The following PDZD2 variants were observed in gnomAD, a reference collection of about 807,000 sequenced individuals.
The protein encoded by PDZD2 is PDZ domain containing 2.
In PDZD2, 90 loss-of-function variants were observed where a neutral mutation model predicts 220.7. That is an observed-to-expected ratio of 0.41 (90% CI 0.34 to 0.49). The LOEUF (loss-of-function observed/expected upper bound fraction) is 0.49. Ranked by LOEUF, PDZD2 falls within the 20% of genes least tolerant of loss-of-function variation. PDZD2 has a pLI of 0.28. For synonymous variants in PDZD2, 1,375 were observed against 1,450.5 expected, an observed-to-expected ratio of 0.95 and a Z score of 1.18; for missense variants, 3,174 against 3,608.5, an observed-to-expected ratio of 0.88 and a Z score of 3.08.
At chr5:32,100,827 T>C (rs1339315946) in intron 23 of PDZD2, 1 of 1,376,268 alleles carries the variant, frequency 7.3e-7, no homozygotes, top group Admixed American at 1.8e-5. Context: ...TGGGGATTTC[T>C]GCTTGGGCAT....
At chr5:31,945,741 T>G (rs1358560174) in intron 2 of PDZD2, among the ~76,000 whole-genome samples, 1 of 152,070 alleles carries the variant, frequency 6.6e-6, no homozygotes, top group African/African-American at 2.4e-5. Flanking sequence ...CTGGCTTGGA[T>G]CCAGGTGCTT....
intron 1 of PDZD2, among the ~76,000 whole-genome samples, chr5:31,671,878 C>A (rs774507598): frequency 2.0e-5 from 3 of 152,192 alleles, no homozygotes; most frequent in Non-Finnish European, 4.4e-5. Flanking sequence ...TCTGCTGAAG[C>A]TGCTGGTCTG....
At chr5:31,909,544 C>T (rs572636431) in intron 2 of PDZD2, among the ~76,000 whole-genome samples, 1 of 151,980 alleles carries the variant, frequency 6.6e-6, no homozygotes, top group East Asian at 1.9e-4. Flanking sequence ...AATATAAACC[C>T]CATACATAAT....
At chr5:31,954,867 G>A (rs1394463231) in intron 2 of PDZD2, among the ~76,000 whole-genome samples, 2 of 152,112 alleles carry the variant, frequency 1.3e-5, no homozygotes, top group Non-Finnish European at 2.9e-5. Context: ...AACCCGGGAG[G>A]CGAAGGTTGC....
chr5:31,706,842 CAAAAAA>C (rs60622267), intron 1 of PDZD2, among the ~76,000 whole-genome samples: 70,095 of 129,062 alleles, frequency 0.54, 17,260 homozygotes, highest in East Asian at 0.66. Context: ...GATTCCATCT[CAAAAAA>C]AAAAAAAAAA....
At chr5:31,750,471 G>GT (rs1395300276) in intron 1 of PDZD2, among the ~76,000 whole-genome samples, 1 of 152,180 alleles carries the variant, frequency 6.6e-6, no homozygotes, top group Non-Finnish European at 1.5e-5. Flanking sequence ...CAGGAACCCT[G>GT]TCCCCGTGGA....
chr5:31,893,653 G>A (rs111701662), intron 2 of PDZD2, among the ~76,000 whole-genome samples: 77 of 152,268 alleles, frequency 5.1e-4, no homozygotes, highest in African/African-American at 1.8e-3. Context: ...TAAATGTAGC[G>A]ATCAGCTATG....
intron 2 of PDZD2, among the ~76,000 whole-genome samples, chr5:31,951,159 C>A (rs535556611): frequency 6.6e-6 from 1 of 152,118 alleles, no homozygotes; most frequent in East Asian, 1.9e-4. Flanking sequence ...CTCAACCTCC[C>A]GTGCTCAAGT....
intron 1 of PDZD2, among the ~76,000 whole-genome samples, chr5:31,766,912 G>A (rs1022037053): frequency 1.3e-5 from 2 of 151,276 alleles, no homozygotes; most frequent in Non-Finnish European, 2.9e-5. Flanking sequence ...ATTTTTAGTA[G>A]AGACTGGGTT....
At chr5:31,970,371 G>C (rs1002728696) in intron 2 of PDZD2, among the ~76,000 whole-genome samples, 2 of 152,072 alleles carry the variant, frequency 1.3e-5, no homozygotes, top group Non-Finnish European at 2.9e-5. Context: ...ATTGTAAAGA[G>C]TCAGAAGAGC....
intron 2 of PDZD2, among the ~76,000 whole-genome samples, chr5:31,968,480 C>T (rs1326326383): frequency 1.3e-5 from 2 of 152,098 alleles, no homozygotes; most frequent in African/African-American, 4.8e-5. Context: ...GTGGAGAAAC[C>T]CTGTCTCTAC....
At chr5:32,012,634 T>G (rs1030950232) in intron 6 of PDZD2, among the ~76,000 whole-genome samples, 4 of 151,942 alleles carry the variant, frequency 2.6e-5, no homozygotes, top group African/African-American at 9.7e-5. Context: ...GCAATCCACC[T>G]GCCTCAGCCT....
At chr5:31,709,323 A>G (rs1747977363) in intron 1 of PDZD2, among the ~76,000 whole-genome samples, 1 of 151,714 alleles carries the variant, frequency 6.6e-6, no homozygotes, top group Non-Finnish European at 1.5e-5. Context: ...CCCCATCTCT[A>G]CAGAAAAGCA....
At chr5:32,067,863 C>T (rs1442824299) in intron 14 of PDZD2, among the ~76,000 whole-genome samples, 2 of 152,040 alleles carry the variant, frequency 1.3e-5, no homozygotes, top group Admixed American at 1.3e-4. Context: ...CTTATAGAAG[C>T]ACTGTTTTGA....
rs1007427202 is a variant in PDZD2 at position 31,832,767 on chromosome 5, G to C, written c.476+33043G>C. Among the ~76,000 whole-genome samples the C allele has an allele frequency of 2.6e-5, 4 of 152,188 alleles. No homozygotes were observed. In the South Asian group the frequency reaches 8.3e-4, roughly 32 times the overall value. On this transcript the variant is annotated intron_variant, in intron 2 of 24. Coordinates refer to ENST00000438447, the MANE Select transcript of PDZD2 (RefSeq NM_178140.4). ...GGAGGCGGAGGTTGCAGTGAGCCGA[G>C]ATCGCGCCACTGCACTCCAGCCTGG... is the stretch of plus-strand genomic sequence containing the variant.
intron 1 of PDZD2, among the ~76,000 whole-genome samples, chr5:31,758,518 G>C (rs1739180378): frequency 6.6e-6 from 1 of 152,230 alleles, no homozygotes; most frequent in Non-Finnish European, 1.5e-5. Flanking sequence ...AAAGCACTAA[G>C]AGGGGAGGAG....
chr5:31,887,431 T>C (rs7715319), intron 2 of PDZD2, among the ~76,000 whole-genome samples: 79,177 of 151,828 alleles, frequency 0.52, 21,203 homozygotes, highest in African/African-American at 0.64. Context: ...AGCCTGAGAG[T>C]GGTGTGCACT....
rs1187928596 is a variant in PDZD2 at position 31,639,628 on chromosome 5, C to T, written c.-361+191C>T. 2.6e-5 allele frequency among the ~76,000 whole-genome samples: 4 copies of T among 152,306 alleles called. No individual in the cohort carries two copies. In the East Asian group the frequency reaches 7.7e-4, roughly 29 times the overall value. On this transcript the variant is annotated intron_variant, in intron 1 of 24. Coordinates refer to ENST00000438447, the MANE Select transcript of PDZD2 (RefSeq NM_178140.4). This position sits in a 1 kb window ranked among gnomAD's most constrained non-coding sequence, Gnocchi z 4.1. ...GGTCCCACGTTGGGCGGCGCAAACT[C>T]CTCTAGCATCCGGCCGGGGACGGGG...
intron 1 of PDZD2, among the ~76,000 whole-genome samples, chr5:31,689,876 A>G (rs1747048738): frequency 1.3e-5 from 2 of 152,152 alleles, no homozygotes; most frequent in Admixed American, 6.5e-5. Context: ...TCAATGCTGA[A>G]GGGTCTCTGG....
Sources: gnomAD v4.1 joint callset for allele counts (sites outside exome capture counted in the v4.1 genomes callset) on GRCh38, gnomAD v4.1.1 for gene constraint, Gnocchi (gnomAD v3.1) non-coding constraint, MANE v1.5 for transcripts, NCBI Gene and HGNC (gene_info 2026-07-23, HGNC 2026-07-21) for gene names.